The following ADSL variants were observed in gnomAD, a reference collection of about 807,000 sequenced individuals.
ADSL encodes the protein adenylosuccinate lyase.
A neutral mutation model predicts 62.1 loss-of-function variants in ADSL; 44 were observed. The observed-to-expected ratio is 0.71, with a 90% CI of 0.56 to 0.91. The LOEUF (loss-of-function observed/expected upper bound fraction) is 0.91, where lower values mean the gene tolerates loss of function less well. ADSL is among the 40% of genes least tolerant of loss of function. ADSL has a pLI of 0.00. For missense variants in ADSL, 531 were observed against 627.4 expected (o/e 0.85, Z 1.64); for synonymous variants, 198 against 220.5 (o/e 0.90, Z 0.90).
chr22:40,367,550 T>C lies in ADSL; in HGVS notation c.*1028T>C, dbSNP rs2045042184. On this transcript the variant is annotated 3_prime_UTR_variant, in exon 13 of 13. Transcript: ENST00000623063. ...CAATAGCAAGAGCACATCAGATACT[T>C]GGCAACTAGGCAGTCTTCCAGCTTC... 1 of 167,772 alleles carries C rather than the reference T, an allele frequency of 6.0e-6. No homozygotes were observed. The highest frequency in any genetic ancestry group is 1.5e-5 in the Non-Finnish European group (1 of 68,280). The allele number at this position is 167,772 out of a possible 1,614,324, so 10.4% of individuals were successfully genotyped here.
intron 2 of ADSL, 81 bp from the exon 3 acceptor site, chr22:40,352,992 C>A: frequency 2.4e-6 from 3 of 1,275,906 alleles, no homozygotes; most frequent in Non-Finnish European, 1.1e-6. Flanking sequence ...GCAACCCAGC[C>A]TTTCTGGCCA....
Position 40,365,023 on chromosome 22 carries a change from T to G in ADSL, c.1335T>G (p.Asp445Glu). 6.2e-7 allele frequency: 1 copy of G among 1,614,102 alleles called. No homozygotes were observed. The highest frequency in any genetic ancestry group is 8.5e-7 in the Non-Finnish European group (1 of 1,179,990). ...ACTCCCAGTTGGATCATTTACTGGA[T>G]CCTTCTTCTTTCACTGGTCGTGCCT... ...PIHSQLDHLL[D>E]PSSFTGRASQ... is the part of the protein sequence containing the mutation. Residue 445 changes from aspartate to glutamate, a missense_variant, in exon 12 of 13, where the codon GAT becomes GAG. By Grantham distance (45) the Asp-to-Glu change is conservative. Transcript: ENST00000623063.
In ADSL at chr22:40,349,876, A is replaced by C. The variant is rs752349207; in HGVS notation, c.198A>C (p.Lys66Asn). ...CAGATGAACAAATCCAGGAGATGAA[A>C]TCAAACCTGGAGAACATCGACTTCA... Reference protein sequence around the residue: ...PITDEQIQEMKSNLENIDFKM... With the variant: ...PITDEQIQEMNSNLENIDFKM... The change falls in exon 2 of 13, where the codon AAA (lysine) becomes AAC (asparagine). Residue 66 changes from lysine to asparagine, a missense_variant. Around this residue, in one of 2 missense-constraint regions of ADSL, gnomAD observed 471 missense variants for 592.9 expected, o/e 0.79. Coordinates refer to ENST00000623063, the MANE Select transcript of ADSL (RefSeq NM_000026.4). 1.2e-6 allele frequency: 2 copies of C among 1,614,180 alleles called. No homozygotes were observed. Among genetic ancestry groups the C allele is most frequent in the South Asian group, 2.2e-5 (2 of 91,086 alleles).
intron 1 of ADSL, among the ~76,000 whole-genome samples, chr22:40,347,053 C>T (rs996715924): frequency 6.6e-6 from 1 of 152,206 alleles, no homozygotes; most frequent in Non-Finnish European, 1.5e-5. Flanking sequence ...CTGTTGTGCT[C>T]ATTATTTCAC....
At chr22:40,354,432 A>G (rs2044471469) in intron 4 of ADSL, 105 bp downstream of exon 4, 2 of 912,722 alleles carry the variant, frequency 2.2e-6, no homozygotes, top group Middle Eastern at 2.1e-4. Context: ...TGAAAACATG[A>G]TTTAAATATA....
intron 1 of ADSL, among the ~76,000 whole-genome samples, 168 bp from the exon 2 acceptor site, chr22:40,349,664 C>T (rs977597460): frequency 2.0e-5 from 3 of 152,154 alleles, no homozygotes; most frequent in Non-Finnish European, 1.5e-5. Context: ...ACCTCGACCC[C>T]ACTACCCCTG....
intron 2 of ADSL, among the ~76,000 whole-genome samples, chr22:40,383,311 T>TA (rs2047879620): frequency 6.6e-6 from 1 of 151,566 alleles, no homozygotes; most frequent in South Asian, 2.1e-4. Context: ...ACTAAAAATA[T>TA]AAAAAATTAG....
At chr22:40,358,810 T>G in intron 4 of ADSL, 54 bp from the exon 5 acceptor site, 1 of 1,573,216 alleles carries the variant, frequency 6.4e-7, no homozygotes, top group Non-Finnish European at 8.7e-7. Context: ...AATGAAACCT[T>G]GATGATTTAA....
downstream of ADSL, among the ~76,000 whole-genome samples, chr22:40,371,532 G>A (rs1264184187): frequency 6.6e-6 from 1 of 152,114 alleles, no homozygotes; most frequent in Non-Finnish European, 1.5e-5. Flanking sequence ...TCGTTTACTC[G>A]TAGTTTTTGT....
At chr22:40,387,019 C>T (rs1007453536) in intron 2 of ADSL, among the ~76,000 whole-genome samples, 8 of 152,148 alleles carry the variant, frequency 5.3e-5, no homozygotes, top group South Asian at 4.2e-4. Flanking sequence ...ATTTTGTTCC[C>T]GCACATGCAC....
intron 6 of ADSL, 27 bp downstream of exon 6, chr22:40,359,333 C>G (rs2044680170): frequency 1.2e-6 from 2 of 1,611,688 alleles, no homozygotes; most frequent in African/African-American, 1.3e-5. Flanking sequence ...GTGTTGGCCT[C>G]CCTGTTAAGT....
At chr22:40,385,958 T>C (rs2048352462) in intron 2 of ADSL, among the ~76,000 whole-genome samples, 1 of 151,606 alleles carries the variant, frequency 6.6e-6, no homozygotes, top group African/African-American at 2.4e-5. Context: ...CCCAGGCGAT[T>C]CTCCTATCTC....
chr22:40,365,474 G>C (rs867600622), intron 12 of ADSL, among the ~76,000 whole-genome samples: 1 of 152,166 alleles, frequency 6.6e-6, no homozygotes, highest in South Asian at 2.1e-4. Context: ...TGGCTGAGAA[G>C]GTAAAAGTAA....
Position 40,346,527 on chromosome 22 carries a change from C to T in ADSL, c.-32C>T, listed in dbSNP as rs1420977984. The T allele has an allele frequency of 1.9e-6, 3 of 1,589,842 alleles. No individual in the cohort carries two copies. The highest frequency in any genetic ancestry group is 2.7e-5 in the African/African-American group (2 of 74,694). On this transcript the variant is annotated 5_prime_UTR_variant, in exon 1 of 13. Coordinates refer to ENST00000623063, the MANE Select transcript of ADSL (RefSeq NM_000026.4). ...GTTTCCGCTTCCGCTCTTCCCTGGTCCAGTCCACCCTGGCGGGGTCGCAGG... is the reference window on the plus strand; with the variant it reads ...GTTTCCGCTTCCGCTCTTCCCTGGTTCAGTCCACCCTGGCGGGGTCGCAGG...
chr22:40,377,208 T>G (rs1183748764), intron 2 of ADSL, among the ~76,000 whole-genome samples: 1 of 152,228 alleles, frequency 6.6e-6, no homozygotes, highest in African/African-American at 2.4e-5. Flanking sequence ...AACTAGGTGG[T>G]AGGCACATGG....
chr22:40,355,821 G>A (rs1315559543), intron 4 of ADSL, among the ~76,000 whole-genome samples: 1 of 152,134 alleles, frequency 6.6e-6, no homozygotes, highest in African/African-American at 2.4e-5. Context: ...ACGCCTTGAT[G>A]TTCCTAGCTG....
intron 11 of ADSL, 57 bp downstream of exon 11, chr22:40,364,422 C>A: frequency 6.8e-7 from 1 of 1,459,900 alleles, no homozygotes; most frequent in South Asian, 1.2e-5. Flanking sequence ...GTCCTGCTCT[C>A]TTCTCCGTGA....
intron 2 of ADSL, among the ~76,000 whole-genome samples, chr22:40,382,347 G>A (rs185194809): frequency 6.6e-6 from 1 of 152,198 alleles, no homozygotes; most frequent in East Asian, 1.9e-4. Flanking sequence ...TTGTTGGTAG[G>A]TAGTTTTTCC....
Position 40,346,686 on chromosome 22 carries a change from G to T in ADSL, c.128G>T (p.Trp43Leu). 1 of 1,610,892 alleles carries T rather than the reference G, an allele frequency of 6.2e-7. No homozygotes were observed. Among genetic ancestry groups the T allele is most frequent in the Non-Finnish European group, 8.5e-7 (1 of 1,179,408 alleles). Residue 43 changes from tryptophan (W) to leucine (L), a missense_variant, in exon 1 of 13, where the codon TGG (tryptophan) becomes TTG (leucine). This residue lies in a region of ADSL where 471 missense variants were observed against 592.9 expected (regional missense o/e 0.79). Transcript: ENST00000623063. ...RYKFRTWRQLWLWLAEAEQTL... is the reference protein window; with the variant it reads ...RYKFRTWRQLLLWLAEAEQTL... ...AAATTCCGGACATGGCGGCAGCTGT[G>T]GCTGTGGCTGGCGGAGGCCGAGCAG...
Sources: gnomAD v4.1 joint callset for allele counts (sites outside exome capture counted in the v4.1 genomes callset) on GRCh38, gnomAD v4.1.1 for gene constraint, gnomAD v4.1.1 regional missense constraint, MANE v1.5 for transcripts, NCBI Gene and HGNC (gene_info 2026-07-23, HGNC 2026-07-21) for gene names.